SIMC1: variants seen among roughly 807,000 people sequenced by gnomAD.
SIMC1 encodes SUMO-interacting motif-containing protein 1.
Under a neutral mutation model 82.3 loss-of-function variants are expected in SIMC1, and 55 were observed. That is an observed-to-expected ratio of 0.67 (90% confidence interval 0.54 to 0.84). SIMC1 has a LOEUF of 0.84. SIMC1 is among the 40% of genes least tolerant of loss of function. SIMC1 has a pLI of 0.00. For synonymous variants in SIMC1, 353 were observed against 426.3 expected, an observed-to-expected ratio of 0.83 and a Z score of 2.12; for missense variants, 915 against 1,107.2, an observed-to-expected ratio of 0.83 and a Z score of 2.46.
At chr5:176,253,080 A>T in intron 1 of SIMC1, among the ~76,000 whole-genome samples, 1 of 152,206 alleles carries the variant, frequency 6.6e-6, no homozygotes, top group East Asian at 1.9e-4. Context: ...GTGAGCCGAG[A>T]TGGCAGCAGT....
At chr5:176,294,205 T>C (rs996327735) in intron 2 of SIMC1, among the ~76,000 whole-genome samples, 3 of 152,224 alleles carry the variant, frequency 2.0e-5, no homozygotes, top group Non-Finnish European at 4.4e-5. Context: ...TCATGTTATA[T>C]GTACAATTTT....
chr5:176,294,808 A>G, intron 2 of SIMC1: 1 of 473,334 alleles, frequency 2.1e-6, no homozygotes, highest in Non-Finnish European at 3.7e-6. Flanking sequence ...TAAAAATACA[A>G]AAGAAAATTA....
chr5:176,301,829 A>G (rs1370652600), intron 4 of SIMC1, among the ~76,000 whole-genome samples: 8 of 152,094 alleles, frequency 5.3e-5, no homozygotes, highest in Non-Finnish European at 1.0e-4. Context: ...CTGCCAACCA[A>G]TATACCTAAT....
intron 4 of SIMC1, chr5:176,308,034 A>T: frequency 1.5e-6 from 1 of 682,766 alleles, no homozygotes; most frequent in Non-Finnish European, 2.7e-6. Flanking sequence ...AATACTATTT[A>T]GTAATTAAAA....
At chr5:176,251,892 T>C in intron 1 of SIMC1, among the ~76,000 whole-genome samples, 1 of 148,876 alleles carries the variant, frequency 6.7e-6, no homozygotes, top group African/African-American at 2.5e-5. Flanking sequence ...GAGCACAGGG[T>C]TGGGGGTAAG....
intron 4 of SIMC1, chr5:176,313,394 T>G: frequency 6.5e-7 from 1 of 1,540,272 alleles, no homozygotes; most frequent in East Asian, 2.4e-5. Context: ...TGATTGCAGC[T>G]TAGGTGTTAG....
rs779144921 is a variant in SIMC1, at chr5:176,345,225, T to A, written c.2456T>A (p.Ile819Asn). The A allele has an allele frequency of 6.2e-7, 1 of 1,613,930 alleles. No homozygotes were observed. The highest frequency in any genetic ancestry group is 8.5e-7 in the Non-Finnish European group (1 of 1,179,858). Residue 819 changes from isoleucine (I) to asparagine (N), a missense_variant, in exon 10 of 10, where the codon ATC becomes AAC. Physicochemically the swap from Ile to Asn is moderately radical, Grantham distance 149. Coordinates refer to ENST00000429602, the MANE Select transcript of SIMC1 (RefSeq NM_001308195.2). ...SSVIDRKDLI[I>N]KRIKPKPQQG... ...GTGATCGACCGAAAGGACTTAATAA[T>A]CAAAAGGATTAAGCCCAAACCCCAG...
Position 176,290,274 on chromosome 5 carries a change from A to T in SIMC1, c.750A>T (p.Pro250=). 6.2e-7 allele frequency: 1 copy of T among 1,612,836 alleles called. No homozygotes were observed. The highest frequency in any genetic ancestry group is 1.1e-5 in the South Asian group (1 of 91,024). ...SSCPPRALSC[P]SQTMQCQLPA... is the part of the protein sequence containing the mutation. Reference sequence around the variant, plus strand: ...GCCCACCACGAGCCTTGTCATGCCCATCACAAACCATGCAGTGCCAACTAC... The same window carrying T: ...GCCCACCACGAGCCTTGTCATGCCCTTCACAAACCATGCAGTGCCAACTAC... Residue 250 remains proline, a synonymous_variant, in exon 2 of 10, where the codon CCA becomes CCT. Coordinates refer to ENST00000429602, the MANE Select transcript of SIMC1 (RefSeq NM_001308195.2).
intron 7 of SIMC1, among the ~76,000 whole-genome samples, chr5:176,329,110 T>G (rs943777276): frequency 2.0e-5 from 3 of 152,168 alleles, no homozygotes; most frequent in Non-Finnish European, 2.9e-5. Context: ...CATGCACTCA[T>G]TTGTGTGAAG....
At chr5:176,295,738 C>T (rs957296154) in intron 3 of SIMC1, among the ~76,000 whole-genome samples, 9 of 152,126 alleles carry the variant, frequency 5.9e-5, no homozygotes, top group Non-Finnish European at 1.3e-4. Flanking sequence ...GCCTCTCAGC[C>T]TCAGTTCTGT....
chr5:176,315,827 A>G (rs1006839891), intron 5 of SIMC1, among the ~76,000 whole-genome samples: 1 of 152,126 alleles, frequency 6.6e-6, no homozygotes, highest in Non-Finnish European at 1.5e-5. Flanking sequence ...TAGGGGTACA[A>G]AATCAGTAAG....
chr5:176,290,171 C>G lies in SIMC1; in HGVS notation c.647C>G (p.Pro216Arg), dbSNP rs777581082. 1.9e-5 allele frequency: 31 copies of G among 1,612,298 alleles called. No homozygotes were observed. The Admixed American group carries it at 4.4e-4, about 23-fold the overall frequency. Residue 216 changes from proline to arginine, a missense_variant, in exon 2 of 10, where the codon CCA (proline) becomes CGA (arginine). Transcript: ENST00000429602. ...PCPQQDVSRP[P>R]QALPCPLRPL... ...CCACAGCAAGATGTATCTCGCCCAC[C>G]ACAGGCCTTGCCGTGCCCCCTGCGA...
At chr5:176,325,062 A>G (rs2113376746) in intron 7 of SIMC1, among the ~76,000 whole-genome samples, 1 of 152,270 alleles carries the variant, frequency 6.6e-6, no homozygotes, top group Admixed American at 6.5e-5. Context: ...CAATTTGCCT[A>G]ACAATTTTAC....
chr5:176,305,927 T>A (rs1270902856), intron 4 of SIMC1, among the ~76,000 whole-genome samples: 2 of 70,790 alleles, frequency 2.8e-5, no homozygotes, highest in African/African-American at 1.2e-4. Context: ...CGGCCGCCCC[T>A]ACTGGGAAGT....
chr5:176,266,259 C>T (rs1383042061), intron 1 of SIMC1, among the ~76,000 whole-genome samples: 2 of 152,160 alleles, frequency 1.3e-5, no homozygotes, highest in African/African-American at 4.8e-5. Context: ...ATTTTATGAA[C>T]TTGAAATGTC....
chr5:176,325,832 G>A lies in SIMC1; in HGVS notation c.2171+1075G>A, dbSNP rs532630675. On this transcript the variant is annotated intron_variant, in intron 7 of 9. Coordinates refer to ENST00000429602, the MANE Select transcript of SIMC1 (RefSeq NM_001308195.2). Reference sequence around the variant, plus strand: ...AAAGGCTTGGTGGGTGAATGAAATAGATATATCCAATATTAGAGGAACTAG... The same window carrying A: ...AAAGGCTTGGTGGGTGAATGAAATAAATATATCCAATATTAGAGGAACTAG... Among the ~76,000 whole-genome samples the A allele has an allele frequency of 2.3e-3, 350 of 152,226 alleles. 1 individual carries two copies. Among genetic ancestry groups the A allele is most frequent in the African/African-American group, 8.2e-3 (340 of 41,558 alleles).
chr5:176,307,972 A>C (rs1315743760), intron 4 of SIMC1: 2 of 602,256 alleles, frequency 3.3e-6, no homozygotes, highest in African/African-American at 3.7e-5. Flanking sequence ...AATAGCCAAA[A>C]TGTGGAAATA....
intron 4 of SIMC1, among the ~76,000 whole-genome samples, chr5:176,310,061 A>C (rs1328233680): frequency 1.3e-5 from 2 of 152,228 alleles, no homozygotes; most frequent in Non-Finnish European, 2.9e-5. Context: ...AAAAGCTGTT[A>C]AACTCCATAA....
At chr5:176,340,344 A>G (rs532540686) in intron 9 of SIMC1, among the ~76,000 whole-genome samples, 19 of 152,314 alleles carry the variant, frequency 1.2e-4, no homozygotes, top group African/African-American at 4.6e-4. Flanking sequence ...ATGTGGCTCA[A>G]GTTTCAGCCT....
Sources: allele counts gnomAD v4.1 joint callset (sites outside exome capture counted in the v4.1 genomes callset), GRCh38; gene constraint gnomAD v4.1.1; transcripts MANE v1.5; gene names NCBI Gene and HGNC (gene_info 2026-07-23, HGNC 2026-07-21).